UNC13C: variants seen among roughly 807,000 people sequenced by gnomAD.
UNC13C encodes unc-13 homolog C, also known as protein unc-13 homolog C.
Under a neutral mutation model 245.4 loss-of-function variants are expected in UNC13C, and 174 were observed. The ratio of observed to expected loss-of-function variants is 0.71; its 90% CI spans 0.63 to 0.80. The LOEUF is 0.80. UNC13C is among the 30% of genes least tolerant of loss of function. The pLI, the probability that UNC13C is intolerant of heterozygous loss-of-function variation, is 0.00. For synonymous variants in UNC13C, 992 were observed against 895.1 expected, an observed-to-expected ratio of 1.11 and a Z score of -1.93; for missense variants, 2,829 against 2,602.9, an observed-to-expected ratio of 1.09 and a Z score of -1.89.
the UNC13C span, chr15:53,914,114 TGTGCCCAAAGCTTATATGC>T: frequency 7.3e-5 from 1 of 13,712 alleles, no homozygotes; most frequent in East Asian, 1.9e-3. Flanking sequence ...ATCAGGCCTG[TGTGCCCAAAGCTTATATGC>T]CAGGCCTGTG....
Position 54,015,219 on chromosome 15 carries a change from G to A in UNC13C, c.2316G>A (p.Glu772=), listed in dbSNP as rs749378577. 6.2e-7 allele frequency: 1 copy of A among 1,613,212 alleles called. No homozygotes were observed. The highest frequency in any genetic ancestry group is 8.5e-7 in the Non-Finnish European group (1 of 1,179,658). ...GTGAATTGCAAAGTGATGATTCAGA[G>A]GATGCCCCACCCAAATCATGGCATA... is the stretch of plus-strand genomic sequence containing the variant. The part of the protein sequence containing the change: ...SQSELQSDDS[E]DAPPKSWHSR... The change falls in exon 2 of 33, where the codon GAG becomes GAA. Residue 772 remains glutamate, a synonymous_variant. Coordinates refer to ENST00000260323, the MANE Select transcript of UNC13C (RefSeq NM_001080534.3).
chr15:54,455,204 T>TCTCTCTCC (rs1243356325), intron 19 of UNC13C, among the ~76,000 whole-genome samples: 7 of 53,810 alleles, frequency 1.3e-4, no homozygotes, highest in African/African-American at 6.4e-4. Flanking sequence ...TCTCTCTCTC[T>TCTCTCTCC]CTATATATAT....
At chr15:53,893,231 G>T in the UNC13C span, among the ~76,000 whole-genome samples, 235 of 152,306 alleles carry the variant, frequency 1.5e-3, 1 homozygote, top group East Asian at 0.011. Flanking sequence ...TGGAAGCTTT[G>T]TCCCAGAGGG....
intron 19 of UNC13C, among the ~76,000 whole-genome samples, chr15:54,437,317 CAA>C (rs1158557351): frequency 6.6e-6 from 1 of 151,910 alleles, no homozygotes; most frequent in Non-Finnish European, 1.5e-5. Flanking sequence ...CATACATATT[CAA>C]TAGCATCTAA....
At chr15:54,059,420 C>T (rs1267944914) in intron 2 of UNC13C, among the ~76,000 whole-genome samples, 3 of 152,038 alleles carry the variant, frequency 2.0e-5, no homozygotes, top group Non-Finnish European at 2.9e-5. Context: ...ATGAGAAGGA[C>T]CTCTTCAAGG....
intron 8 of UNC13C, among the ~76,000 whole-genome samples, chr15:54,251,116 A>G (rs2140867007): frequency 6.6e-6 from 1 of 152,294 alleles, no homozygotes; most frequent in East Asian, 1.9e-4. Context: ...GGGAATATGT[A>G]AAATCAGGTT....
At chr15:54,260,165 G>C (rs1286229689) in intron 8 of UNC13C, among the ~76,000 whole-genome samples, 3 of 152,148 alleles carry the variant, frequency 2.0e-5, no homozygotes, top group East Asian at 3.9e-4. Context: ...ATAAGGAATG[G>C]ACATATATGC....
At chr15:54,196,741 T>C (rs750115719) in intron 4 of UNC13C, among the ~76,000 whole-genome samples, 9 of 152,158 alleles carry the variant, frequency 5.9e-5, no homozygotes, top group Non-Finnish European at 1.2e-4. Context: ...ATCATTTCAA[T>C]AGATGAAAAG....
intron 2 of UNC13C, among the ~76,000 whole-genome samples, chr15:54,070,522 G>A (rs1898272246): frequency 6.6e-6 from 1 of 152,098 alleles, no homozygotes; most frequent in Non-Finnish European, 1.5e-5. Flanking sequence ...AGTCAGATGA[G>A]GATTGCAGTC....
At chr15:53,846,030 T>C in the UNC13C span, among the ~76,000 whole-genome samples, 1 of 152,136 alleles carries the variant, frequency 6.6e-6, no homozygotes, top group African/African-American at 2.4e-5. Flanking sequence ...ATAAATTACA[T>C]GAGATAGTTA....
intron 17 of UNC13C, among the ~76,000 whole-genome samples, chr15:54,374,280 C>A (rs2039556983): frequency 6.6e-6 from 1 of 152,154 alleles, no homozygotes; most frequent in African/African-American, 2.4e-5. Flanking sequence ...CCTTTCCACC[C>A]AGGAGCCTAT....
chr15:54,126,637 A>T (rs2031060762), intron 2 of UNC13C, among the ~76,000 whole-genome samples: 1 of 152,202 alleles, frequency 6.6e-6, no homozygotes, highest in African/African-American at 2.4e-5. Context: ...ACCATTCAGG[A>T]TATAAGCATG....
At chr15:54,108,249 C>T (rs1481034976) in intron 2 of UNC13C, among the ~76,000 whole-genome samples, 1 of 152,036 alleles carries the variant, frequency 6.6e-6, no homozygotes, top group Admixed American at 6.6e-5. Flanking sequence ...TGCAGTGGCG[C>T]GATCTTGGCT....
intron 20 of UNC13C, 31 bp downstream of exon 20, chr15:54,494,765 A>G: frequency 6.3e-7 from 1 of 1,598,896 alleles, no homozygotes; most frequent in African/African-American, 1.3e-5. Context: ...ACACACCCTC[A>G]GATCTAAATT....
chr15:54,539,306 G>A (rs1048836514), intron 26 of UNC13C, among the ~76,000 whole-genome samples: 1 of 151,948 alleles, frequency 6.6e-6, no homozygotes, highest in Non-Finnish European at 1.5e-5. Flanking sequence ...TAGAAGATAG[G>A]TATATAGGTA....
At chr15:54,180,403 G>A (rs78633666) in intron 4 of UNC13C, among the ~76,000 whole-genome samples, 5,479 of 151,992 alleles carry the variant, frequency 0.036, 291 homozygotes, top group East Asian at 0.11. Flanking sequence ...CCAATCCACC[G>A]TGGATGGGCA....
intron 19 of UNC13C, among the ~76,000 whole-genome samples, chr15:54,478,742 A>G (rs548249954): frequency 1.8e-4 from 28 of 151,590 alleles, no homozygotes; most frequent in African/African-American, 6.5e-4. Flanking sequence ...TATGTGGTCA[A>G]TTTTGGAATA....
chr15:54,572,546 C>T (rs1323329597), intron 30 of UNC13C, among the ~76,000 whole-genome samples: 1 of 151,580 alleles, frequency 6.6e-6, no homozygotes, highest in East Asian at 1.9e-4. Context: ...CTGCCTCAGC[C>T]TCCTGGGTAG....
rs370367467 is a variant in UNC13C at position 54,333,869 on chromosome 15, A to G, written c.4584+13A>G. The G allele has an allele frequency of 5.7e-6, 9 of 1,570,734 alleles. No individual in the cohort carries two copies. The highest frequency in any genetic ancestry group is 1.3e-5 in the African/African-American group (1 of 74,218). On this transcript the variant is annotated intron_variant, in intron 16 of 32. Transcript: ENST00000260323. The stretch of plus-strand genomic sequence containing the variant: ...TTTTAGGATGAAGGTATCTCATTTT[A>G]TTTCTGTCACTGTTTTGTTGTGACA...
Sources: gnomAD v4.1 joint callset for allele counts (sites outside exome capture counted in the v4.1 genomes callset) on GRCh38, gnomAD v4.1.1 for gene constraint, MANE v1.5 for transcripts, NCBI Gene and HGNC (gene_info 2026-07-23, HGNC 2026-07-21) for gene names.